CAMK2D: variants seen among roughly 807,000 people sequenced by gnomAD.
CAMK2D encodes calcium/calmodulin dependent protein kinase II delta, also known as calcium/calmodulin-dependent protein kinase type II subunit delta.
Under a neutral mutation model 84.0 loss-of-function variants are expected in CAMK2D, and 37 were observed. The ratio of observed to expected loss-of-function variants is 0.44; its 90% CI spans 0.34 to 0.58. The LOEUF (loss-of-function observed/expected upper bound fraction) is 0.58, where lower values mean the gene tolerates loss of function less well. Ranked by LOEUF, CAMK2D falls within the 20% of genes least tolerant of loss-of-function variation. The pLI, the probability that CAMK2D is intolerant of heterozygous loss-of-function variation, is 0.02. For missense variants in CAMK2D, 448 were observed against 652.5 expected (o/e 0.69, Z 3.41); for synonymous variants, 202 against 212.5 (o/e 0.95, Z 0.43).
intron 13 of CAMK2D, 145 bp from the exon 14 acceptor site, chr4:113,505,180 C>T (rs562743291): frequency 1.3e-5 from 6 of 463,844 alleles, no homozygotes; most frequent in Middle Eastern, 3.0e-4. Context: ...TGATGACTGA[C>T]AGGAATGATG....
In CAMK2D at chr4:113,451,500, A is replaced by C. The variant is rs557474540; in HGVS notation, c.*3045T>G. 1 of 152,304 alleles carries C rather than the reference A, an allele frequency of 6.6e-6. No individual in the cohort carries two copies. The highest frequency in any genetic ancestry group is 2.4e-5 in the African/African-American group (1 of 41,570). 9.4% of individuals were successfully genotyped at this position (152,304 alleles called of 1,614,324 possible). A position where few individuals can be genotyped will look rare whatever the true frequency, so the allele number is the denominator to read the frequency against. On this transcript the variant is annotated 3_prime_UTR_variant, in exon 21 of 21. Coordinates refer to ENST00000511664, the MANE Select transcript of CAMK2D (RefSeq NM_001321571.2). ...TTGGTATGTTTATTCTCATTTTACA[A>C]ATATGGAAACTGAGGGTCAGAGGGA...
intron 4 of CAMK2D, among the ~76,000 whole-genome samples, chr4:113,579,750 A>T (rs1978132): frequency 6.6e-6 from 1 of 152,048 alleles, no homozygotes; most frequent in Non-Finnish European, 1.5e-5. Flanking sequence ...CCGGCCTCAG[A>T]TATTCCTTTA....
At chr4:113,483,769 CAGAG>C (rs1358269130) in intron 16 of CAMK2D, among the ~76,000 whole-genome samples, 1 of 151,874 alleles carries the variant, frequency 6.6e-6, no homozygotes, top group African/African-American at 2.4e-5. Context: ...GCCTGGATGA[CAGAG>C]AGAGACCCTG....
At chr4:113,469,550 C>T (rs967255328) in intron 16 of CAMK2D, among the ~76,000 whole-genome samples, 1 of 152,200 alleles carries the variant, frequency 6.6e-6, no homozygotes, top group African/African-American at 2.4e-5. Context: ...AAATAGTCAT[C>T]TATATTCCAA....
chr4:113,530,577 G>A (rs2098451406), intron 8 of CAMK2D, among the ~76,000 whole-genome samples: 1 of 152,120 alleles, frequency 6.6e-6, no homozygotes, highest in Non-Finnish European at 1.5e-5. Flanking sequence ...TAATATGATG[G>A]AAGGAAGGAA....
At chr4:113,682,343 T>C (rs1185897332) in intron 2 of CAMK2D, among the ~76,000 whole-genome samples, 1 of 152,118 alleles carries the variant, frequency 6.6e-6, no homozygotes, top group Non-Finnish European at 1.5e-5. Context: ...TATAAATTTA[T>C]AATTTCAAAT....
intron 2 of CAMK2D, among the ~76,000 whole-genome samples, chr4:113,752,209 T>C (rs1409156608): frequency 7.3e-5 from 11 of 151,446 alleles, no homozygotes; most frequent in Non-Finnish European, 1.5e-5. Context: ...TGGGTGCTTA[T>C]TGTTATAAAA....
intron 2 of CAMK2D, among the ~76,000 whole-genome samples, chr4:113,723,707 C>T (rs10010383): frequency 0.34 from 51,301 of 151,882 alleles, 10,186 homozygotes; most frequent in Admixed American, 0.49. Context: ...ATAAAATGAG[C>T]AAAATTATAC....
intron 18 of CAMK2D, 24 bp downstream of exon 18, chr4:113,460,123 T>C (rs1589664129): frequency 7.5e-7 from 1 of 1,332,862 alleles, no homozygotes. Context: ...AAAGGGCATG[T>C]TATTAAATTA....
intron 3 of CAMK2D, among the ~76,000 whole-genome samples, chr4:113,655,079 C>T (rs1439395650): frequency 6.6e-6 from 1 of 152,040 alleles, no homozygotes; most frequent in East Asian, 1.9e-4. Context: ...ATTAACTCCT[C>T]ACCAAAGTAA....
chr4:113,506,899 C>T (rs73841649), intron 13 of CAMK2D, among the ~76,000 whole-genome samples: 1 of 149,934 alleles, frequency 6.7e-6, no homozygotes, highest in East Asian at 1.9e-4. Flanking sequence ...GTTCCCCCCC[C>T]CACACACACA....
intron 2 of CAMK2D, among the ~76,000 whole-genome samples, chr4:113,689,604 T>C (rs369152162): frequency 6.6e-6 from 1 of 152,226 alleles, no homozygotes. Flanking sequence ...AAGTTTGCAC[T>C]TCCTTTTTTC....
intron 3 of CAMK2D, among the ~76,000 whole-genome samples, chr4:113,620,252 A>G (rs2099039968): frequency 6.6e-6 from 1 of 152,158 alleles, no homozygotes; most frequent in African/African-American, 2.4e-5. Context: ...CAACACCTCC[A>G]GGTGCTGCAG....
In CAMK2D at chr4:113,606,373, T is replaced by G. The variant is rs1337550839; in HGVS notation, c.275+2779A>C. ...TAATCCCAGCTACTCAGGAGGCTGA[T>G]GCAGGAGAATCGCTTGAACCCAGGA... On this transcript the variant is annotated intron_variant, in intron 4 of 20. Coordinates refer to ENST00000511664, the MANE Select transcript of CAMK2D (RefSeq NM_001321571.2). Among the ~76,000 whole-genome samples, 15 of 151,650 alleles carry G rather than the reference T, an allele frequency of 9.9e-5. 1 individual carries two copies. Among genetic ancestry groups the G allele is most frequent in the Admixed American group, 9.9e-4 (15 of 15,228 alleles).
chr4:113,703,808 A>C (rs909983239), intron 2 of CAMK2D, among the ~76,000 whole-genome samples: 7 of 152,214 alleles, frequency 4.6e-5, no homozygotes, highest in African/African-American at 1.7e-4. Flanking sequence ...AGAAGTGCAC[A>C]ATCTTTCATG....
intron 7 of CAMK2D, among the ~76,000 whole-genome samples, chr4:113,536,347 G>A (rs2098490365): frequency 6.6e-6 from 1 of 152,184 alleles, no homozygotes; most frequent in Non-Finnish European, 1.5e-5. Context: ...TCCACTCCCA[G>A]TAACAGCTGG....
At chr4:113,696,187 GACACACAGAC>G (rs1172669585) in intron 2 of CAMK2D, among the ~76,000 whole-genome samples, 18 of 68,754 alleles carry the variant, frequency 2.6e-4, no homozygotes, top group Non-Finnish European at 4.0e-4. Context: ...CAGACACACA[GACACACAGAC>G]ACACACACAC....
intron 3 of CAMK2D, among the ~76,000 whole-genome samples, chr4:113,634,096 A>G (rs2154289241): frequency 6.6e-6 from 1 of 152,332 alleles, no homozygotes; most frequent in East Asian, 1.9e-4. Context: ...AATCTGTAGT[A>G]CAGTCCCACA....
chr4:113,547,547 C>G (rs2098589570), intron 6 of CAMK2D, 97 bp downstream of exon 6: 1 of 655,476 alleles, frequency 1.5e-6, no homozygotes, highest in Non-Finnish European at 2.5e-6. Flanking sequence ...GTCCACACAA[C>G]TTTATTGCTC....
Sources: allele counts gnomAD v4.1 joint callset (sites outside exome capture counted in the v4.1 genomes callset), GRCh38; gene constraint gnomAD v4.1.1; transcripts MANE v1.5; gene names NCBI Gene and HGNC (gene_info 2026-07-23, HGNC 2026-07-21).